PCDH11X: variants seen among roughly 807,000 people sequenced by gnomAD.
PCDH11X encodes protocadherin-11 X-linked.
In PCDH11X, 18 loss-of-function variants were observed where a neutral mutation model predicts 53.3. That is an observed-to-expected ratio of 0.34 (90% CI 0.23 to 0.50). The LOEUF is 0.50. Ranked by LOEUF, PCDH11X falls within the 20% of genes least tolerant of loss-of-function variation. The pLI, the probability that PCDH11X is intolerant of heterozygous loss-of-function variation, is 0.98. For synonymous variants in PCDH11X, 279 were observed against 393.3 expected (o/e 0.71, Z 3.44); for missense variants, 570 against 1,032.4 (o/e 0.55, Z 6.14).
chrX:92,501,762 T>A (rs1391734556), intron 10 of PCDH11X, among the ~76,000 whole-genome samples: 2 of 111,257 alleles, frequency 1.8e-5, no homozygotes, highest in Non-Finnish European at 3.8e-5. Flanking sequence ...ACAGCCAATA[T>A]CATACTGAAT....
In PCDH11X at chrX:92,147,819, C is replaced by CTTTCTT. The variant is rs1556065700; in HGVS notation, c.3034-53554_3034-53549dup. 2.2e-4 allele frequency among the ~76,000 whole-genome samples: 18 copies of CTTTCTT among 81,662 alleles called. 1 individual carries two copies. The highest frequency in any genetic ancestry group is 1.2e-3 in the African/African-American group (17 of 14,101). 70.9% of individuals were successfully genotyped at this position (81,662 alleles called of 115,157 possible). The stretch of plus-strand genomic sequence containing the variant: ...CTTTCTTTTCTTCCTTCCTTTCTTT[C>CTTTCTT]TTTCTTTCTTTCTTTCTTTCTTTCT... On this transcript the variant is annotated intron_variant, in intron 6 of 10. Coordinates refer to ENST00000682573, the MANE Select transcript of PCDH11X (RefSeq NM_032968.5).
In PCDH11X at chrX:92,580,561, G is replaced by C. The variant is rs770379983; in HGVS notation, c.3368-37703G>C. On this transcript the variant is annotated intron_variant, in intron 10 of 10. Transcript: ENST00000682573. The stretch of plus-strand genomic sequence containing the variant: ...TGCGGTGCTGTGGAGAATTTCTTCC[G>C]GTCCAAGCAGCCCAGTCTCCCTCTC... 1.0e-3 allele frequency among the ~76,000 whole-genome samples: 114 copies of C among 110,338 alleles called. 1 individual carries two copies. Among genetic ancestry groups the C allele is most frequent in the African/African-American group, 3.6e-3 (109 of 30,119 alleles).
chrX:92,292,221 G>GA (rs960691132), intron 8 of PCDH11X, among the ~76,000 whole-genome samples: 10 of 109,530 alleles, frequency 9.1e-5, no homozygotes, highest in Non-Finnish European at 1.5e-4. Context: ...GTCTGCTGCA[G>GA]AAAAAAAAAT....
In PCDH11X at chrX:91,877,706, G is replaced by A; in HGVS notation, c.1466G>A (p.Ser489Asn). 8.3e-7 allele frequency: 1 copy of A among 1,211,710 alleles called. No homozygotes were observed. The highest frequency in any genetic ancestry group is 1.7e-5 in the African/African-American group (1 of 57,778). The change falls in exon 6 of 11, where the codon AGT becomes AAT. Residue 489 changes from serine (S) to asparagine (N), a missense_variant. By Grantham distance (46) the Ser-to-Asn change is conservative. Transcript: ENST00000682573. The stretch of plus-strand genomic sequence containing the variant: ...CCTGGCATCCAGTTGACGAAAGTAA[G>A]TGCAATGGATGCAGACAGTGGGCCT... Reference protein sequence around the residue: ...NSPGIQLTKVSAMDADSGPNA... With the variant: ...NSPGIQLTKVNAMDADSGPNA...
At chrX:91,852,008 C>CTTTTTTTTTTTTT (rs59675485) in intron 5 of PCDH11X, among the ~76,000 whole-genome samples, 1 of 94,475 alleles carries the variant, frequency 1.1e-5, no homozygotes, top group African/African-American at 3.9e-5. Flanking sequence ...ATTAGGAATT[C>CTTTTTTTTTTTTT]TTTTTTTTTT....
At chrX:92,214,132 G>A (rs760370393) in intron 7 of PCDH11X, among the ~76,000 whole-genome samples, 15 of 111,960 alleles carry the variant, frequency 1.3e-4, no homozygotes, top group Non-Finnish European at 2.4e-4. Context: ...CATTGAGAGT[G>A]AAATGGAGGC....
chrX:92,173,405 A>AC (rs761604442), intron 6 of PCDH11X, among the ~76,000 whole-genome samples: 33 of 111,585 alleles, frequency 3.0e-4, no homozygotes, highest in Non-Finnish European at 6.0e-4. Flanking sequence ...TGAGGCAATC[A>AC]TTGCTTTAAA....
chrX:92,484,151 G>GTATATATGTATATATATGTATGTA lies in PCDH11X; in HGVS notation c.3367+15844_3367+15845insATGTATGTATATATATGTATATAT, dbSNP rs1569494491. Among the ~76,000 whole-genome samples the GTATATATGTATATATATGTATGTA allele has an allele frequency of 7.2e-4, 26 of 36,256 alleles. 1 individual carries two copies. The highest frequency in any genetic ancestry group is 2.4e-3 in the African/African-American group (26 of 10,955). 31.5% of individuals were successfully genotyped at this position (36,256 alleles called of 115,157 possible). ...TATGTATATATGTATGTATATATAT[G>GTATATATGTATATATATGTATGTA]TATATATGTATATATGTATATATAT... On this transcript the variant is annotated intron_variant, in intron 10 of 10. Coordinates refer to ENST00000682573, the MANE Select transcript of PCDH11X (RefSeq NM_032968.5).
intron 10 of PCDH11X, among the ~76,000 whole-genome samples, chrX:92,473,623 C>G (rs745812403): frequency 2.6e-3 from 286 of 110,868 alleles, no homozygotes; most frequent in Non-Finnish European, 4.7e-3. Flanking sequence ...TTGCTATATC[C>G]CATAGGGCTC....
chrX:92,460,279 C>G lies in PCDH11X; in HGVS notation c.3344-8020C>G, dbSNP rs1244666529. 16 of 824,487 alleles carry G rather than the reference C, an allele frequency of 1.9e-5. No homozygotes were observed. The Admixed American group carries it at 3.1e-4, about 16-fold the overall frequency. 67.9% of individuals were successfully genotyped at this position (824,487 alleles called of 1,213,427 possible). ...GCAGCTGGAGACAGAGATTGAGGCT[C>G]TCAGGGAGGAGCTGCTCTTCATGAA... is the stretch of plus-strand genomic sequence containing the variant. On this transcript the variant is annotated intron_variant, in intron 9 of 10. Transcript: ENST00000682573.
chrX:92,266,265 G>A (rs2067827527), intron 8 of PCDH11X, among the ~76,000 whole-genome samples: 1 of 111,826 alleles, frequency 8.9e-6, no homozygotes, highest in Non-Finnish European at 1.9e-5. Context: ...GTCTTTTTAT[G>A]AATTATAAAA....
intron 8 of PCDH11X, among the ~76,000 whole-genome samples, chrX:92,380,643 AG>A (rs1229848403): frequency 1.8e-5 from 2 of 111,938 alleles, no homozygotes. Flanking sequence ...AGGCAACAAA[AG>A]TAGTGTTACA....
chrX:92,169,136 G>T (rs1436759443), intron 6 of PCDH11X, among the ~76,000 whole-genome samples: 3 of 98,950 alleles, frequency 3.0e-5, no homozygotes, highest in African/African-American at 1.1e-4. Context: ...TGGAAAGAAA[G>T]TGTTTATAGG....
chrX:91,976,980 C>G (rs1277979605), intron 6 of PCDH11X, among the ~76,000 whole-genome samples: 1 of 109,724 alleles, frequency 9.1e-6, no homozygotes, highest in Non-Finnish European at 1.9e-5. Flanking sequence ...ATCCATTATT[C>G]TTATCCATTA....
chrX:92,051,657 T>G (rs1486311582), intron 6 of PCDH11X, among the ~76,000 whole-genome samples: 4 of 111,716 alleles, frequency 3.6e-5, no homozygotes, highest in Non-Finnish European at 7.5e-5. Flanking sequence ...TCACTAAGAT[T>G]GTATGATATT....
chrX:92,082,689 T>C (rs1166521329), intron 6 of PCDH11X, among the ~76,000 whole-genome samples: 1 of 110,500 alleles, frequency 9.0e-6, no homozygotes, highest in East Asian at 2.9e-4. Flanking sequence ...AAAACTTAAA[T>C]ATGAAATGCT....
chrX:92,371,535 T>C (rs2522623), intron 8 of PCDH11X, among the ~76,000 whole-genome samples: 44,550 of 108,810 alleles, frequency 0.41, 7,118 homozygotes, highest in Non-Finnish European at 0.5. Flanking sequence ...GTACTCTCTT[T>C]TGCAAATGTG....
At chrX:92,367,308 A>T (rs1271915125) in intron 8 of PCDH11X, among the ~76,000 whole-genome samples, 1 of 111,418 alleles carries the variant, frequency 9.0e-6, no homozygotes, top group East Asian at 2.8e-4. Flanking sequence ...AGAGTCTAGA[A>T]TTGCAACCCC....
intron 9 of PCDH11X, among the ~76,000 whole-genome samples, chrX:92,445,976 A>G (rs2072632974): frequency 9.0e-6 from 1 of 110,718 alleles, no homozygotes. Context: ...CTGAAAGAAC[A>G]TGTTAGCAAA....
Sources: gnomAD v4.1 joint callset for allele counts (sites outside exome capture counted in the v4.1 genomes callset) on GRCh38, gnomAD v4.1.1 for gene constraint, MANE v1.5 for transcripts, NCBI Gene and HGNC (gene_info 2026-07-23, HGNC 2026-07-21) for gene names.